Variants in CTDSPL observed in about 807,000 individuals in gnomAD.
CTDSPL encodes CTD small phosphatase like, also known as CTD small phosphatase-like protein.
In CTDSPL, 8 loss-of-function variants were observed where a neutral mutation model predicts 30.5. The observed-to-expected ratio is 0.26, with a 90% CI of 0.15 to 0.47. The LOEUF (loss-of-function observed/expected upper bound fraction) is 0.47, where lower values mean the gene tolerates loss of function less well. Ranked by LOEUF, CTDSPL falls within the 20% of genes least tolerant of loss-of-function variation. The probability of loss-of-function intolerance (pLI) is 0.99; values close to 1 mark genes in which losing one functional copy is unlikely to be tolerated. For missense variants in CTDSPL, 248 were observed against 366.1 expected, an observed-to-expected ratio of 0.68 and a Z score of 2.63; for synonymous variants, 110 against 137.9, an observed-to-expected ratio of 0.80 and a Z score of 1.42.
intron 5 of CTDSPL, among the ~76,000 whole-genome samples, chr3:37,970,671 C>T (rs555212424): frequency 9.2e-5 from 14 of 152,192 alleles, no homozygotes; most frequent in Non-Finnish European, 1.9e-4. Flanking sequence ...CTCACTGCTA[C>T]CCCCTGGCCT....
intron 2 of CTDSPL, among the ~76,000 whole-genome samples, chr3:37,947,608 C>T (rs1437457970): frequency 1.3e-5 from 2 of 152,046 alleles, no homozygotes; most frequent in Non-Finnish European, 2.9e-5. Flanking sequence ...ATGTGTACAG[C>T]CATTTACTTA....
At chr3:37,911,744 A>C (rs767399904) in intron 1 of CTDSPL, 1 of 456,484 alleles carries the variant, frequency 2.2e-6, no homozygotes, top group South Asian at 1.5e-5. Flanking sequence ...CCTGGGTGGC[A>C]GGTGTAACCC....
At chr3:37,971,566 A>C in intron 6 of CTDSPL, 67 bp downstream of exon 6, 24 of 1,389,774 alleles carry the variant, frequency 1.7e-5, no homozygotes, top group Middle Eastern at 1.8e-4. Context: ...CCTACCCCCA[A>C]TCTGTCAAGC....
chr3:37,911,009 T>C (rs183784421), intron 1 of CTDSPL, among the ~76,000 whole-genome samples: 1 of 152,350 alleles, frequency 6.6e-6, no homozygotes, highest in East Asian at 1.9e-4. Flanking sequence ...ATGGATTTGC[T>C]GGAGGATGTT....
At chr3:37,896,470 G>C (rs1024536618) in intron 1 of CTDSPL, among the ~76,000 whole-genome samples, 1 of 152,198 alleles carries the variant, frequency 6.6e-6, no homozygotes, top group Admixed American at 6.5e-5. Flanking sequence ...TTATTCAATA[G>C]ATAGGTAGGA....
chr3:37,911,765 GAGA>G (rs1290983028), intron 1 of CTDSPL: 14 of 455,964 alleles, frequency 3.1e-5, no homozygotes, highest in Middle Eastern at 3.3e-4. Context: ...TCGCTAAAGA[GAGA>G]AGGAGGACAG....
intron 1 of CTDSPL, among the ~76,000 whole-genome samples, chr3:37,894,950 T>C (rs1032166314): frequency 6.6e-6 from 1 of 152,210 alleles, no homozygotes; most frequent in African/African-American, 2.4e-5. Context: ...ATATTTCATA[T>C]ATTGCTTTAT....
chr3:37,893,969 A>G (rs1460276598), intron 1 of CTDSPL, among the ~76,000 whole-genome samples: 1 of 152,240 alleles, frequency 6.6e-6, no homozygotes, highest in East Asian at 1.9e-4. Flanking sequence ...AACCATTAGT[A>G]TAAAATAAAA....
chr3:37,902,951 G>A (rs1371711785), intron 1 of CTDSPL, among the ~76,000 whole-genome samples: 2 of 152,192 alleles, frequency 1.3e-5, no homozygotes, highest in African/African-American at 2.4e-5. Context: ...TACAGTGAAA[G>A]GTATGTGAGC....
At chr3:37,916,632 C>T (rs908362595) in intron 1 of CTDSPL, among the ~76,000 whole-genome samples, 11 of 152,076 alleles carry the variant, frequency 7.2e-5, no homozygotes, top group African/African-American at 1.4e-4. Flanking sequence ...CACCAGAGAC[C>T]GGGAGAGGCA....
rs9874172 is a variant in CTDSPL at position 37,927,668 on chromosome 3, G to A, written c.80-19389G>A. 7.6e-3 allele frequency among the ~76,000 whole-genome samples: 970 copies of A among 126,954 alleles called. 6 individuals are homozygous for A. Among genetic ancestry groups the A allele is most frequent in the African/African-American group, 0.021 (567 of 27,350 alleles). 83.3% of individuals were successfully genotyped at this position (126,954 alleles called of 152,430 possible). On this transcript the variant is annotated intron_variant, in intron 1 of 7. Coordinates refer to ENST00000273179, the MANE Select transcript of CTDSPL (RefSeq NM_001008392.2). ...TGTGTGTGTGTGTGTGTGTGTGTGT[G>A]TGTGTGTGTGTATGTGTATATATAT...
intron 1 of CTDSPL, among the ~76,000 whole-genome samples, chr3:37,937,985 G>A (rs1427235405): frequency 3.3e-5 from 5 of 150,374 alleles, no homozygotes; most frequent in African/African-American, 1.2e-4. Flanking sequence ...AGGCTGGCTC[G>A]GCACCATAGA....
chr3:37,865,471 A>G (rs1697998624), intron 1 of CTDSPL, among the ~76,000 whole-genome samples: 1 of 152,248 alleles, frequency 6.6e-6, no homozygotes, highest in Non-Finnish European at 1.5e-5. Context: ...GACTTAATAG[A>G]CTTTTGTGAG....
At chr3:37,920,193 C>T (rs1031786880) in intron 1 of CTDSPL, among the ~76,000 whole-genome samples, 17 of 152,084 alleles carry the variant, frequency 1.1e-4, no homozygotes, top group African/African-American at 3.6e-4. Flanking sequence ...CAGGGATTCA[C>T]GATCTCCACT....
At chr3:37,980,473 C>A (rs1481147733) in intron 7 of CTDSPL, among the ~76,000 whole-genome samples, 7 of 152,170 alleles carry the variant, frequency 4.6e-5, no homozygotes, top group African/African-American at 1.7e-4. Context: ...ATGCTCTGGC[C>A]ACCTTTTTCT....
chr3:37,896,040 A>C (rs1471178485), intron 1 of CTDSPL, among the ~76,000 whole-genome samples: 1 of 152,240 alleles, frequency 6.6e-6, no homozygotes, highest in Non-Finnish European at 1.5e-5. Context: ...ATCTGCTTTT[A>C]TAAACAGACA....
intron 1 of CTDSPL, among the ~76,000 whole-genome samples, chr3:37,923,620 T>C (rs1243409768): frequency 1.3e-5 from 2 of 152,206 alleles, no homozygotes; most frequent in Non-Finnish European, 2.9e-5. Context: ...CAAATAACTT[T>C]AGAGCATTTC....
At chr3:37,902,366 G>A (rs956356963) in intron 1 of CTDSPL, among the ~76,000 whole-genome samples, 2 of 151,760 alleles carry the variant, frequency 1.3e-5, no homozygotes, top group Non-Finnish European at 2.9e-5. Flanking sequence ...CCCAGGGGAT[G>A]GGAGCTCCTT....
At chr3:37,929,233 CT>C (rs200310770) in intron 1 of CTDSPL, among the ~76,000 whole-genome samples, 4,010 of 152,186 alleles carry the variant, frequency 0.026, 78 homozygotes, top group South Asian at 0.095. Flanking sequence ...CTTTGTTGTT[CT>C]TTATCATGAT....
Sources: allele counts gnomAD v4.1 joint callset (sites outside exome capture counted in the v4.1 genomes callset), GRCh38; gene constraint gnomAD v4.1.1; transcripts MANE v1.5; gene names NCBI Gene and HGNC (gene_info 2026-07-23, HGNC 2026-07-21).